The following PTPRD variants were observed in gnomAD, a reference collection of about 807,000 sequenced individuals.
PTPRD encodes the protein protein tyrosine phosphatase receptor type D.
A neutral mutation model predicts 214.5 loss-of-function variants in PTPRD; 34 were observed. The observed-to-expected ratio is 0.16, with a 90% CI of 0.12 to 0.21. The LOEUF is 0.21. Among genes scored for constraint, PTPRD ranks in the 10% least tolerant of loss-of-function variants. The probability of loss-of-function intolerance (pLI) is 1.00; values close to 1 mark genes in which losing one functional copy is unlikely to be tolerated. For missense variants in PTPRD, 2,545 were observed against 2,398.7 expected (o/e 1.06, Z -1.27); for synonymous variants, 1,128 against 845.7 (o/e 1.33, Z -5.79).
chr9:9,139,355 T>C (rs2099856320), intron 10 of PTPRD, among the ~76,000 whole-genome samples: 1 of 152,228 alleles, frequency 6.6e-6, no homozygotes, highest in South Asian at 2.1e-4. Flanking sequence ...TTATAAATTG[T>C]TTCAGTTATA....
intron 2 of PTPRD, among the ~76,000 whole-genome samples, chr9:10,529,268 A>G (rs1282421191): frequency 1.3e-5 from 2 of 152,136 alleles, no homozygotes; most frequent in African/African-American, 4.8e-5. Flanking sequence ...ACACATTCAC[A>G]CGTATGTTTA....
At chr9:9,274,514 AG>A (rs774932521) in intron 9 of PTPRD, among the ~76,000 whole-genome samples, 28 of 151,246 alleles carry the variant, frequency 1.9e-4, no homozygotes, top group Non-Finnish European at 3.8e-4. Context: ...CTCATTTATC[AG>A]GGGCCCTTAT....
intron 3 of PTPRD, among the ~76,000 whole-genome samples, chr9:10,047,309 TAA>T (rs552984383): frequency 0.055 from 6,381 of 116,160 alleles, 272 homozygotes; most frequent in East Asian, 0.24. Context: ...TAAAATCAAC[TAA>T]CTGTGTGTGT....
intron 43 of PTPRD, among the ~76,000 whole-genome samples, chr9:8,335,858 T>A (rs562649078): frequency 6.6e-6 from 1 of 152,142 alleles, no homozygotes; most frequent in Admixed American, 6.6e-5. Flanking sequence ...AGCCAAATCA[T>A]GAGTGAACTC....
chr9:10,335,382 C>T (rs1590347), intron 3 of PTPRD, among the ~76,000 whole-genome samples: 31,953 of 151,600 alleles, frequency 0.21, 5,093 homozygotes, highest in African/African-American at 0.43. Context: ...ATAGACATTA[C>T]TATGCAAAAA....
intron 12 of PTPRD, among the ~76,000 whole-genome samples, chr9:8,660,050 T>G (rs1325105268): frequency 6.6e-6 from 1 of 152,226 alleles, no homozygotes; most frequent in African/African-American, 2.4e-5. Flanking sequence ...GGTACAAAAA[T>G]GTGTAACATA....
chr9:8,753,916 G>C (rs184096116), intron 11 of PTPRD, among the ~76,000 whole-genome samples: 2 of 152,180 alleles, frequency 1.3e-5, no homozygotes, highest in African/African-American at 4.8e-5. Context: ...AGGCTGAGGA[G>C]GTTGGATCAC....
intron 14 of PTPRD, among the ~76,000 whole-genome samples, chr9:8,566,219 A>G (rs2089117440): frequency 1.3e-5 from 2 of 151,656 alleles, no homozygotes; most frequent in Admixed American, 1.3e-4. Context: ...AAACATATGA[A>G]GAGGGGTGTA....
At chr9:8,842,939 GATCT>G (rs891102816) in intron 11 of PTPRD, among the ~76,000 whole-genome samples, 3 of 152,218 alleles carry the variant, frequency 2.0e-5, no homozygotes, top group African/African-American at 7.2e-5. Flanking sequence ...CTTTAAGACA[GATCT>G]ATCTGCTTTG....
chr9:8,976,363 T>C (rs980433535), intron 11 of PTPRD, among the ~76,000 whole-genome samples: 3 of 152,218 alleles, frequency 2.0e-5, no homozygotes, highest in Admixed American at 6.6e-5. Flanking sequence ...CTTCCAAATA[T>C]GACTTGGTAA....
intron 10 of PTPRD, among the ~76,000 whole-genome samples, chr9:9,141,402 G>A (rs973085824): frequency 1.3e-5 from 2 of 152,098 alleles, no homozygotes; most frequent in Middle Eastern, 3.4e-3. Context: ...TGGGTAGTTT[G>A]TTATAGTGGT....
rs377332204 is a variant in PTPRD, at chr9:9,074,211, T to C, written c.-142-55476A>G. Among the ~76,000 whole-genome samples the C allele has an allele frequency of 2.0e-4, 31 of 152,300 alleles. No homozygotes were observed. The South Asian group carries it at 4.3e-3, about 21-fold the overall frequency. On this transcript the variant is annotated intron_variant, in intron 10 of 45. Coordinates refer to ENST00000381196, the MANE Select transcript of PTPRD (RefSeq NM_002839.4). ...ACTTTTCTGAATATAGCTTCCTTTT[T>C]CCTGAGTTTTATTGATCTTCAATGG...
chr9:10,141,528 G>C (rs1178913027), intron 3 of PTPRD, among the ~76,000 whole-genome samples: 1 of 151,950 alleles, frequency 6.6e-6, no homozygotes, highest in African/African-American at 2.4e-5. Flanking sequence ...AAAATACTTA[G>C]GAATTCAACT....
intron 6 of PTPRD, among the ~76,000 whole-genome samples, chr9:9,747,797 C>T (rs1457231273): frequency 6.6e-6 from 1 of 152,158 alleles, no homozygotes; most frequent in South Asian, 2.1e-4. Flanking sequence ...AGGTGATCTA[C>T]CTGCCTCGGC....
chr9:9,598,388 C>T (rs1022674914), intron 7 of PTPRD, among the ~76,000 whole-genome samples: 1 of 151,912 alleles, frequency 6.6e-6, no homozygotes, highest in Non-Finnish European at 1.5e-5. Context: ...CCTGCCTTTA[C>T]TATTCTCTCT....
At chr9:8,375,901 T>A in intron 39 of PTPRD, 35 bp downstream of exon 39, 2 of 1,592,574 alleles carry the variant, frequency 1.3e-6, no homozygotes, top group Admixed American at 3.5e-5. Flanking sequence ...TTTAGCTTTC[T>A]GTTTCCTGAC....
chr9:10,333,264 G>T (rs12003458), intron 3 of PTPRD, among the ~76,000 whole-genome samples: 1 of 151,766 alleles, frequency 6.6e-6, no homozygotes, highest in African/African-American at 2.4e-5. Context: ...CCCTGAAAGG[G>T]GGGTTGAAGT....
intron 44 of PTPRD, among the ~76,000 whole-genome samples, chr9:8,326,465 G>A (rs1465464589): frequency 1.3e-5 from 2 of 151,214 alleles, no homozygotes; most frequent in African/African-American, 2.4e-5. Context: ...TGCTGGATTC[G>A]GTTTGCCAGT....
intron 11 of PTPRD, among the ~76,000 whole-genome samples, chr9:8,743,126 C>G (rs538601913): frequency 7.1e-6 from 1 of 140,780 alleles, no homozygotes; most frequent in East Asian, 2.0e-4. Context: ...GGGGGGGGGA[C>G]TTTTAAGACA....
Sources: gnomAD v4.1 joint callset for allele counts (sites outside exome capture counted in the v4.1 genomes callset) on GRCh38, gnomAD v4.1.1 for gene constraint, MANE v1.5 for transcripts, NCBI Gene and HGNC (gene_info 2026-07-23, HGNC 2026-07-21) for gene names.